Variants in NRF1 observed in about 807,000 individuals in gnomAD.
NRF1 encodes the protein nuclear respiratory factor 1, also known as alpha palindromic-binding protein.
In NRF1, 5 loss-of-function variants were observed where a neutral mutation model predicts 58.5. The ratio of observed to expected loss-of-function variants is 0.09; its 90% CI spans 0.04 to 0.18. NRF1 has a LOEUF of 0.18. NRF1 is among the 10% of genes least tolerant of loss of function. The pLI is 1.00. For synonymous variants in NRF1, 224 were observed against 246.7 expected, an observed-to-expected ratio of 0.91 and a Z score of 0.86; for missense variants, 288 against 657.7, an observed-to-expected ratio of 0.44 and a Z score of 6.15.
At chr7:129,716,295 A>G (rs926516401) in intron 8 of NRF1, among the ~76,000 whole-genome samples, 8 of 152,294 alleles carry the variant, frequency 5.3e-5, no homozygotes, top group African/African-American at 1.2e-4. Flanking sequence ...GAAATATTGT[A>G]TAATGATAAA....
intron 8 of NRF1, among the ~76,000 whole-genome samples, chr7:129,715,920 G>A (rs181513954): frequency 1.4e-3 from 218 of 151,788 alleles, no homozygotes; most frequent in African/African-American, 4.8e-3. Context: ...CAGGAGAATC[G>A]CTTGAACCTG....
intron 1 of NRF1, among the ~76,000 whole-genome samples, chr7:129,653,404 C>T (rs1272684263): frequency 1.3e-5 from 2 of 152,202 alleles, no homozygotes; most frequent in African/African-American, 4.8e-5. Flanking sequence ...ACATCCTGCA[C>T]CAGAGTGGTA....
chr7:129,617,660 A>G (rs1800685230), intron 1 of NRF1, among the ~76,000 whole-genome samples: 1 of 152,158 alleles, frequency 6.6e-6, no homozygotes, highest in African/African-American at 2.4e-5. Context: ...GCTATGTTAC[A>G]ACTTCTAGAG....
At chr7:129,732,807 G>A (rs1012008181) in intron 10 of NRF1, among the ~76,000 whole-genome samples, 1 of 152,084 alleles carries the variant, frequency 6.6e-6, no homozygotes, top group Non-Finnish European at 1.5e-5. Context: ...TCTCCATGTT[G>A]GTCAGGCTGG....
chr7:129,726,085 T>TA (rs1803447844), intron 9 of NRF1, among the ~76,000 whole-genome samples: 1 of 152,238 alleles, frequency 6.6e-6, no homozygotes, highest in East Asian at 1.9e-4. Flanking sequence ...ACTGCCATGT[T>TA]ACAGCAAATC....
chr7:129,625,658 GC>G (rs1298378264), intron 1 of NRF1, among the ~76,000 whole-genome samples: 1 of 146,160 alleles, frequency 6.8e-6, no homozygotes, highest in Non-Finnish European at 1.5e-5. Flanking sequence ...GTGCCACCAT[GC>G]CCGGCTAATG....
intron 1 of NRF1, among the ~76,000 whole-genome samples, chr7:129,652,166 A>G (rs1801551029): frequency 6.6e-6 from 1 of 152,254 alleles, no homozygotes; most frequent in Non-Finnish European, 1.5e-5. Context: ...CTTCTATAGT[A>G]GAGTGGGACA....
At chr7:129,674,153 A>C (rs1057260607) in intron 3 of NRF1, among the ~76,000 whole-genome samples, 4 of 152,070 alleles carry the variant, frequency 2.6e-5, no homozygotes, top group African/African-American at 7.2e-5. Context: ...AAAAAAAAAA[A>C]GCTGTTTTCA....
At chr7:129,722,342 G>A (rs1485333930) in intron 9 of NRF1, among the ~76,000 whole-genome samples, 1 of 149,348 alleles carries the variant, frequency 6.7e-6, no homozygotes, top group Non-Finnish European at 1.5e-5. Context: ...AGTGAGCCGA[G>A]ATCACACCAG....
chr7:129,727,386 T>C, intron 10 of NRF1, 21 bp downstream of exon 10: 1 of 1,567,570 alleles, frequency 6.4e-7, no homozygotes, highest in Non-Finnish European at 8.6e-7. Flanking sequence ...ATAAATATTT[T>C]ATTAAATTTC....
At chr7:129,735,890 C>T (rs1803697433) in intron 10 of NRF1, among the ~76,000 whole-genome samples, 1 of 152,080 alleles carries the variant, frequency 6.6e-6, no homozygotes, top group Non-Finnish European at 1.5e-5. Context: ...CACCTGTAGT[C>T]CCAGCTACTT....
chr7:129,648,521 C>T (rs1452773245), intron 1 of NRF1, among the ~76,000 whole-genome samples: 4 of 152,058 alleles, frequency 2.6e-5, no homozygotes, highest in African/African-American at 7.2e-5. Context: ...CCTCGTGATC[C>T]GCCCTTCTCA....
intron 4 of NRF1, among the ~76,000 whole-genome samples, chr7:129,688,683 G>GGAGA (rs1271623241): frequency 5.5e-5 from 8 of 145,890 alleles, no homozygotes; most frequent in African/African-American, 8.4e-5. Context: ...CATAGTGGCA[G>GGAGA]GAGAGAGACA....
At chr7:129,624,634 GAT>G (rs1800874463) in intron 1 of NRF1, among the ~76,000 whole-genome samples, 1 of 152,052 alleles carries the variant, frequency 6.6e-6, no homozygotes. Context: ...AAGATATTTG[GAT>G]GGTTGGAAAG....
intron 9 of NRF1, among the ~76,000 whole-genome samples, chr7:129,722,560 G>T (rs1474335250): frequency 6.6e-6 from 1 of 152,040 alleles, no homozygotes; most frequent in African/African-American, 2.4e-5. Context: ...ATAATTAATC[G>T]TACTGATCTG....
At chr7:129,753,816 AAAAT>A (rs1163115224) in intron 10 of NRF1, among the ~76,000 whole-genome samples, 2 of 152,152 alleles carry the variant, frequency 1.3e-5, no homozygotes, top group Non-Finnish European at 2.9e-5. Context: ...CTAGGCTTTA[AAAAT>A]AAATAAATAA....
At chr7:129,657,635 C>T (rs1206823262) in intron 2 of NRF1, 61 bp downstream of exon 2, 9 of 1,024,364 alleles carry the variant, frequency 8.8e-6, no homozygotes, top group South Asian at 1.6e-5. Context: ...TTGGAGACAG[C>T]GTCTCACTCT....
At chr7:129,735,292 G>A (rs1803680762) in intron 10 of NRF1, 1 of 950,320 alleles carries the variant, frequency 1.1e-6, no homozygotes, top group Non-Finnish European at 1.3e-6. Context: ...AGCACTTTGG[G>A]ATGCCGACGC....
intron 1 of NRF1, among the ~76,000 whole-genome samples, chr7:129,639,175 T>G (rs570909673): frequency 2.6e-5 from 4 of 152,198 alleles, no homozygotes; most frequent in African/African-American, 9.6e-5. Flanking sequence ...TCCTCCCTTC[T>G]CAGCCTCCCG....
Sources: allele counts gnomAD v4.1 joint callset (sites outside exome capture counted in the v4.1 genomes callset), GRCh38; gene constraint gnomAD v4.1.1; transcripts MANE v1.5; gene names NCBI Gene and HGNC (gene_info 2026-07-23, HGNC 2026-07-21).